HM13: variants seen among roughly 807,000 people sequenced by gnomAD.
The protein encoded by HM13 is signal peptide peptidase.
Under a neutral mutation model 50.0 loss-of-function variants are expected in HM13, and 18 were observed. The ratio of observed to expected loss-of-function variants is 0.36; its 90% CI spans 0.25 to 0.53. HM13 has a LOEUF of 0.53. Among genes scored for constraint, HM13 ranks in the 20% least tolerant of loss-of-function variants. The pLI is 0.90. For missense variants in HM13, 393 were observed against 552.4 expected (o/e 0.71, Z 2.89); for synonymous variants, 197 against 232.6 (o/e 0.85, Z 1.39).
intron 2 of HM13, among the ~76,000 whole-genome samples, chr20:31,532,239 A>G (rs1600630965): frequency 1.3e-5 from 2 of 152,128 alleles, no homozygotes; most frequent in East Asian, 3.9e-4. Context: ...ATCCTGGCCA[A>G]CATGGTGAAA....
chr20:31,514,842 C>A lies in HM13; in HGVS notation c.183+108C>A. On this transcript the variant is annotated intron_variant, in intron 1 of 12. Transcript: ENST00000398174. This position sits in a 1 kb window ranked among gnomAD's most constrained non-coding sequence, Gnocchi z 4.3. ...CCTCTCCCCGGACACTGACTCTTCC[C>A]AGCCCTGATCACCACCGTTCCCTCT... 9.4e-7 allele frequency: 1 copy of A among 1,069,262 alleles called. No homozygotes were observed. The highest frequency in any genetic ancestry group is 1.3e-6 in the Non-Finnish European group (1 of 772,038). 66.2% of individuals were successfully genotyped at this position (1,069,262 alleles called of 1,614,324 possible). A position where few individuals can be genotyped will look rare whatever the true frequency, so the allele number is the denominator to read the frequency against.
At chr20:31,546,133 T>TC (rs1983701409) in intron 4 of HM13, among the ~76,000 whole-genome samples, 1 of 141,414 alleles carries the variant, frequency 7.1e-6, no homozygotes, top group Non-Finnish European at 1.5e-5. Context: ...CACTGCAAGC[T>TC]CCACCCCCTG....
At chr20:31,560,304 C>T (rs138232090) in intron 9 of HM13, among the ~76,000 whole-genome samples, 46 of 152,360 alleles carry the variant, frequency 3.0e-4, no homozygotes, top group African/African-American at 9.6e-4. Context: ...CCCGTCATCC[C>T]TGTGAGGGCT....
rs117080889 is a variant in HM13, at chr20:31,549,281, C to T, written c.615C>T (p.Val205=). The stretch of plus-strand genomic sequence containing the variant: ...TAGAGCTCCTGCACCTCAACAATGT[C>T]AGCACTGGCTGCATCCTGCTGGGCG... ...NGVELLHLNN[V]STGCILLGGL... is the part of the protein sequence containing the mutation. Residue 205 remains valine (V), a synonymous_variant, in exon 6 of 13, where the codon GTC becomes GTT. Coordinates refer to ENST00000398174, the MANE Select transcript of HM13 (RefSeq NM_178581.3). The T allele has an allele frequency of 3.9e-4, 629 of 1,614,206 alleles. 2 individuals carry two copies. Among genetic ancestry groups the T allele is most frequent in the Non-Finnish European group, 4.7e-4 (556 of 1,180,024 alleles).
At chr20:31,532,522 T>C (rs192900700) in intron 2 of HM13, among the ~76,000 whole-genome samples, 4,532 of 152,158 alleles carry the variant, frequency 0.03, 92 homozygotes, top group Non-Finnish European at 0.04. Context: ...TTTTTTTTTT[T>C]CCCACTTCAC....
chr20:31,533,746 T>G (rs1204193652), intron 2 of HM13, among the ~76,000 whole-genome samples: 1 of 152,198 alleles, frequency 6.6e-6, no homozygotes, highest in Non-Finnish European at 1.5e-5. Context: ...TGGGTCTCCT[T>G]CTGTAGGACC....
chr20:31,549,953 C>G (rs1450105084), intron 6 of HM13, 111 bp from the exon 7 acceptor site: 6 of 817,454 alleles, frequency 7.3e-6, no homozygotes, highest in Middle Eastern at 2.3e-4. Flanking sequence ...GGAGCCCCTC[C>G]CAGCTCCCCT....
At chr20:31,519,802 G>A (rs1025476139) in intron 1 of HM13, among the ~76,000 whole-genome samples, 1 of 151,078 alleles carries the variant, frequency 6.6e-6, no homozygotes, top group Non-Finnish European at 1.5e-5. Context: ...TGTATTTGTG[G>A]GATAAATTTC....
chr20:31,557,675 A>G (rs1984388210), intron 8 of HM13, among the ~76,000 whole-genome samples: 1 of 143,322 alleles, frequency 7.0e-6, no homozygotes, highest in African/African-American at 2.7e-5. Flanking sequence ...AAAATTAATC[A>G]TATGTTGACA....
chr20:31,557,700 CTTCT>C (rs1984390818), intron 8 of HM13, among the ~76,000 whole-genome samples: 1 of 123,632 alleles, frequency 8.1e-6, no homozygotes, highest in African/African-American at 3.9e-5. Flanking sequence ...ACAGGCAGTG[CTTCT>C]TTTTTTTTTT....
At chr20:31,538,287 T>C (rs755918505) in intron 3 of HM13, 26 bp downstream of exon 3, 6 of 1,614,172 alleles carry the variant, frequency 3.7e-6, no homozygotes, top group South Asian at 2.2e-5. Context: ...TCTGCAACAT[T>C]TGAAGCAGCT....
intron 8 of HM13, among the ~76,000 whole-genome samples, chr20:31,558,080 C>T (rs1159127142): frequency 1.3e-5 from 2 of 152,242 alleles, no homozygotes; most frequent in African/African-American, 2.4e-5. Context: ...GGAGGCGACA[C>T]ACAGGGTGTG....
chr20:31,562,630 G>A (rs1420708523), intron 10 of HM13: 2 of 152,220 alleles, frequency 1.3e-5, no homozygotes, highest in Admixed American at 1.3e-4. Context: ...CCCTTCCCCA[G>A]GGCCCAAATA....
chr20:31,548,662 A>AT lies in HM13; in HGVS notation c.455-366dup, dbSNP rs143687200. 838 of 301,464 alleles carry AT rather than the reference A, an allele frequency of 2.8e-3. 7 individuals are homozygous for AT. Among genetic ancestry groups the AT allele is most frequent in the African/African-American group, 0.017 (782 of 47,050 alleles). The allele number at this position is 301,464 out of a possible 1,614,324, so 18.7% of individuals were successfully genotyped here. ...AGCAGCCCTAAGAAGGGGTGCTGTT[A>AT]TCCCCTTTTTACAGATAAGAAAACT... On this transcript the variant is annotated intron_variant, in intron 4 of 12. Transcript: ENST00000398174.
chr20:31,544,952 T>G lies in HM13; in HGVS notation c.371T>G (p.Phe124Cys), dbSNP rs1983629306. The change falls in exon 4 of 13, where the codon TTC becomes TGC. Residue 124 changes from phenylalanine (F) to cysteine (C), a missense_variant. By Grantham distance (205) the Phe-to-Cys change is radical. Transcript: ENST00000398174. Reference sequence around the variant, plus strand: ...TGCTTTGTCTTTCCTTCCAGCCCCTTCATGAATAAGTTTTTTCCAGCCAGC... The same window carrying G: ...TGCTTTGTCTTTCCTTCCAGCCCCTGCATGAATAAGTTTTTTCCAGCCAGC... ...ILALSHTISP[F>C]MNKFFPASFP... 1 of 1,613,910 alleles carries G rather than the reference T, an allele frequency of 6.2e-7. No homozygotes were observed. The highest frequency in any genetic ancestry group is 1.3e-5 in the African/African-American group (1 of 74,918).
chr20:31,567,653 A>G (rs1600675821), intron 11 of HM13: 1 of 157,778 alleles, frequency 6.3e-6, no homozygotes, highest in African/African-American at 2.4e-5. Context: ...AAAATTCCAA[A>G]GCTGTAACAG....
intron 2 of HM13, among the ~76,000 whole-genome samples, chr20:31,537,691 G>A (rs1043897097): frequency 6.6e-6 from 1 of 152,208 alleles, no homozygotes; most frequent in African/African-American, 2.4e-5. Flanking sequence ...CACTGCAGGA[G>A]GAGTCATCAC....
chr20:31,534,522 G>C (rs1454110077), intron 2 of HM13, among the ~76,000 whole-genome samples: 1 of 152,168 alleles, frequency 6.6e-6, no homozygotes, highest in Non-Finnish European at 1.5e-5. Context: ...CGTGGCTCAC[G>C]CCTGTAATCC....
rs777967232 is a variant in HM13, at chr20:31,527,505, A to G, written c.205A>G (p.Thr69Ala). ...RGKNASDMPE[T>A]ITSRDAARFP... ...CTAGAATGCTTCAGACATGCCTGAA[A>G]CAATCACCAGCCGGGATGCCGCCCG... The change falls in exon 2 of 13, where the codon ACA (threonine) becomes GCA (alanine). Residue 69 changes from threonine to alanine, a missense_variant. By Grantham distance (58) the Thr-to-Ala change is moderately conservative. Coordinates refer to ENST00000398174, the MANE Select transcript of HM13 (RefSeq NM_178581.3). 2 of 1,613,550 alleles carry G rather than the reference A, an allele frequency of 1.2e-6. No homozygotes were observed. Among genetic ancestry groups the G allele is most frequent in the Non-Finnish European group, 1.7e-6 (2 of 1,179,494 alleles).
Sources: allele counts gnomAD v4.1 joint callset (sites outside exome capture counted in the v4.1 genomes callset), GRCh38; gene constraint gnomAD v4.1.1; non-coding constraint Gnocchi (gnomAD v3.1); transcripts MANE v1.5; gene names NCBI Gene and HGNC (gene_info 2026-07-23, HGNC 2026-07-21).